HSPG2: variants seen among roughly 807,000 people sequenced by gnomAD.
The protein encoded by HSPG2 is basement membrane-specific heparan sulfate proteoglycan core protein.
In HSPG2, 278 loss-of-function variants were observed where a neutral mutation model predicts 526.6. The ratio of observed to expected loss-of-function variants is 0.53; its 90% confidence interval spans 0.48 to 0.58. HSPG2 has a LOEUF of 0.58. HSPG2 is among the 20% of genes least tolerant of loss of function. The pLI, the probability that HSPG2 is intolerant of heterozygous loss-of-function variation, is 0.00. For missense variants in HSPG2, 5,354 were observed against 6,099.5 expected, an observed-to-expected ratio of 0.88 and a Z score of 4.07; for synonymous variants, 2,465 against 2,555.4, an observed-to-expected ratio of 0.96 and a Z score of 1.07.
intron 50 of HSPG2, 114 bp downstream of exon 50, chr1:21,854,079 G>T: frequency 8.3e-7 from 1 of 1,201,122 alleles, no homozygotes; most frequent in South Asian, 1.6e-5. Flanking sequence ...GGCGCTGAAG[G>T]GTCAAAGCCT....
rs777701876 is a variant in HSPG2 at position 21,887,331 on chromosome 1, G to T, written c.962C>A (p.Pro321His). The T allele has an allele frequency of 6.2e-7, 1 of 1,614,014 alleles. No homozygotes were observed. The highest frequency in any genetic ancestry group is 1.3e-5 in the African/African-American group (1 of 75,032). ...EDGSDELDCG[P>H]PPPCEPNEFP... Reference sequence around the variant, plus strand: ...CTCGTTGGGCTCACAGGGTGGCGGGGGGCCTAGGAGACCGGGCAGGGGTCA... The same window carrying T: ...CTCGTTGGGCTCACAGGGTGGCGGGTGGCCTAGGAGACCGGGCAGGGGTCA... Residue 321 changes from proline to histidine, a missense_variant, in exon 9 of 97, where the codon CCC (proline) becomes CAC (histidine). Transcript: ENST00000374695. The surrounding 1 kb of genome is among the most constrained non-coding windows in gnomAD (Gnocchi z 5.0).
chr1:21,842,558 G>A (rs192439010), intron 67 of HSPG2, among the ~76,000 whole-genome samples, 178 bp from the exon 68 acceptor site: 51 of 152,314 alleles, frequency 3.3e-4, no homozygotes, highest in Non-Finnish European at 6.3e-4. Flanking sequence ...CTTTACAGTG[G>A]AGGAAACTGA....
Position 21,833,809 on chromosome 1 carries a change from C to T in HSPG2, c.10830+7G>A. 6.3e-7 allele frequency: 1 copy of T among 1,580,824 alleles called. No individual in the cohort carries two copies. The highest frequency in any genetic ancestry group is 8.6e-7 in the Non-Finnish European group (1 of 1,161,278). On this transcript the variant is annotated splice_region_variant and intron_variant, in intron 78 of 96. Coordinates refer to ENST00000374695, the MANE Select transcript of HSPG2 (RefSeq NM_005529.7). The stretch of plus-strand genomic sequence containing the variant: ...TCATGCCCGCTGGTTCCCTCTCCAG[C>T]ACTTACCTTGCTCCAGCTGATGTCA...
intron 1 of HSPG2, among the ~76,000 whole-genome samples, chr1:21,921,992 G>A (rs1644052112): frequency 6.6e-6 from 1 of 152,200 alleles, no homozygotes. Context: ...CCCATAGCGG[G>A]GGTGAGGTGG....
At chr1:21,845,607 T>G (rs1638367292) in intron 64 of HSPG2, among the ~76,000 whole-genome samples, 2 of 152,114 alleles carry the variant, frequency 1.3e-5, no homozygotes, top group Non-Finnish European at 2.9e-5. Flanking sequence ...CTCGAACTCA[T>G]GAGCTCAGGC....
chr1:21,840,033 G>A lies in HSPG2; in HGVS notation c.9514-16C>T, dbSNP rs760235657. 1.2e-6 allele frequency: 2 copies of A among 1,613,660 alleles called. No homozygotes were observed. The highest frequency in any genetic ancestry group is 1.3e-5 in the African/African-American group (1 of 74,940). On this transcript the variant is annotated splice_polypyrimidine_tract_variant and intron_variant, in intron 71 of 96. Transcript: ENST00000374695. ...CTGATGAAATCTGGGAGAAAGCAAG[G>A]AGGCTGGTTATGTGGGGACTCAGTG...
At position 21,885,111 on chromosome 1, in the gene HSPG2, G is replaced by A. The variant is rs1290870946; in HGVS notation, c.1257C>T (p.Ser419=). ...AGGTGAAGGTCACTGTCTGGCCCCG[G>A]GAAGCCTGGATGGACTCCCGGGGAG... ...VTPPRESIQA[S]RGQTVTFTCV... Residue 419 remains serine, a synonymous_variant, in exon 11 of 97, where the codon TCC becomes TCT. Coordinates refer to ENST00000374695, the MANE Select transcript of HSPG2 (RefSeq NM_005529.7). 3 of 1,612,944 alleles carry A rather than the reference G, an allele frequency of 1.9e-6. No homozygotes were observed. In the African/African-American group the frequency reaches 4.0e-5, roughly 22 times the overall value.
chr1:21,855,485 G>GCCC, intron 46 of HSPG2, 38 bp downstream of exon 46: 1 of 1,612,130 alleles, frequency 6.2e-7, no homozygotes, highest in South Asian at 1.1e-5. Context: ...CCTGGGCTGA[G>GCCC]CACACTCCCG....
intron 37 of HSPG2, among the ~76,000 whole-genome samples, chr1:21,862,583 C>CAA (rs1164705115): frequency 1.1e-4 from 1 of 9,252 alleles, no homozygotes; most frequent in Non-Finnish European, 4.5e-4. Context: ...GACTCCATCT[C>CAA]AAAAAAAAAA....
Position 21,881,475 on chromosome 1 carries a change from G to C in HSPG2, c.1682C>G (p.Pro561Arg), listed in dbSNP as rs374917998. The C allele has an allele frequency of 1.1e-5, 17 of 1,612,522 alleles. No individual in the cohort carries two copies. In the African/African-American group the frequency reaches 2.3e-4, roughly 22 times the overall value. ...CGTGGAGGAGAGGGGTGGCGTGCCG[G>C]GCTGCGCAGGCATTGTCACATTCAC... ...KGVNVTMPAQ[P>R]GTPPLSSTQL... is the part of the protein sequence containing the mutation. Residue 561 changes from proline to arginine, a missense_variant, in exon 14 of 97, where the codon CCC becomes CGC. Physicochemically the swap from Pro to Arg is moderately radical, Grantham distance 103. Coordinates refer to ENST00000374695, the MANE Select transcript of HSPG2 (RefSeq NM_005529.7).
intron 52 of HSPG2, 132 bp from the exon 53 acceptor site, chr1:21,852,365 G>C: frequency 8.7e-7 from 1 of 1,151,178 alleles, no homozygotes; most frequent in Non-Finnish European, 1.3e-6. Context: ...TGGGGGCCTG[G>C]ACTTGATGCC....
rs1228598353 is a variant in HSPG2, at chr1:21,876,320, G to A, written c.2912C>T (p.Pro971Leu). ...THTTNEGIFS[P>L]TPGELGFSSF... ...GGAGAATCCCAGTTCCCCGGGCGTG[G>A]GGGAGAAGATGCCCTCGTTGGTGGT... The change falls in exon 23 of 97, where the codon CCC (proline) becomes CTC (leucine). Residue 971 changes from proline to leucine, a missense_variant. By Grantham distance (98) the Pro-to-Leu change is moderately conservative. Transcript: ENST00000374695. The A allele has an allele frequency of 6.2e-7, 1 of 1,614,082 alleles. No homozygotes were observed. Among genetic ancestry groups the A allele is most frequent in the Non-Finnish European group, 8.5e-7 (1 of 1,180,026 alleles).
rs1212317103 is a variant in HSPG2 at position 21,872,532 on chromosome 1, A to G, written c.4029+88T>C. The G allele has an allele frequency of 3.3e-6, 5 of 1,495,958 alleles. No homozygotes were observed. Among genetic ancestry groups the G allele is most frequent in the Non-Finnish European group, 3.6e-6 (4 of 1,098,642 alleles). 92.7% of individuals were successfully genotyped at this position (1,495,958 alleles called of 1,614,324 possible). A position where few individuals can be genotyped will look rare whatever the true frequency, so the allele number is the denominator to read the frequency against. ...GGCATGTGAGGGTACTGAGGCGGGG[A>G]TGAGGGTCGCTGGGCTCAGTGCTCA... On this transcript the variant is annotated intron_variant, in intron 32 of 96. Coordinates refer to ENST00000374695, the MANE Select transcript of HSPG2 (RefSeq NM_005529.7). This position sits in a 1 kb window ranked among gnomAD's most constrained non-coding sequence, Gnocchi z 5.5.
Position 21,833,546 on chromosome 1 carries a change from G to A in HSPG2, c.10899C>T (p.Pro3633=). The change falls in exon 79 of 97, where the codon CCC becomes CCT. Residue 3633 remains proline (P), a synonymous_variant. Transcript: ENST00000374695. ...TGCAGACGTAGGTACCTGCGTCCTGGGGTCGGACTGAGGGCAGCATCAGCA... is the reference window on the plus strand; with the variant it reads ...TGCAGACGTAGGTACCTGCGTCCTGAGGTCGGACTGAGGGCAGCATCAGCA... ...NNMLMLPSVR[P]QDAGTYVCTA... is the part of the protein sequence containing the mutation. 3 of 1,614,198 alleles carry A rather than the reference G, an allele frequency of 1.9e-6. No homozygotes were observed. The highest frequency in any genetic ancestry group is 2.5e-6 in the Non-Finnish European group (3 of 1,180,026).
intron 75 of HSPG2, 111 bp from the exon 76 acceptor site, chr1:21,835,748 C>T (rs974174107): frequency 1.3e-6 from 1 of 750,870 alleles, no homozygotes; most frequent in African/African-American, 1.7e-5. Flanking sequence ...CTTTGGGAGG[C>T]TGAGGCAGGC....
chr1:21,907,847 CTACA>C (rs1305098847), intron 1 of HSPG2, among the ~76,000 whole-genome samples: 2 of 152,194 alleles, frequency 1.3e-5, no homozygotes, highest in African/African-American at 2.4e-5. Context: ...ATATTCTCAC[CTACA>C]TAAATATCTG....
rs754923775 is a variant in HSPG2, at chr1:21,858,601, C to T, written c.5293+965G>A. On this transcript the variant is annotated intron_variant, in intron 42 of 96. Coordinates refer to ENST00000374695, the MANE Select transcript of HSPG2 (RefSeq NM_005529.7). The surrounding 1 kb of genome is among the most constrained non-coding windows in gnomAD (Gnocchi z 4.2). ...TTCCCAAACATCTCAGACTCTAACA[C>T]GTCCAAAACAAACTTGCGATTCTCT... 1.3e-5 allele frequency among the ~76,000 whole-genome samples: 2 copies of T among 152,240 alleles called. No homozygotes were observed. Among genetic ancestry groups the T allele is most frequent in the African/African-American group, 2.4e-5 (1 of 41,468 alleles).
rs193111653 is a variant in HSPG2, at chr1:21,832,633, C to A, written c.11096-27G>T. 1.9e-4 allele frequency: 305 copies of A among 1,581,184 alleles called. No homozygotes were observed. In the African/African-American group the frequency reaches 3.8e-3, roughly 20 times the overall value. On this transcript the variant is annotated intron_variant, in intron 80 of 96. Coordinates refer to ENST00000374695, the MANE Select transcript of HSPG2 (RefSeq NM_005529.7). ...TGGGTGGGCACCACTGTGTAAGGGG[C>A]CCCCTTCCAGCCACAGGCTCCCTGT... is the stretch of plus-strand genomic sequence containing the variant.
rs1302268081 is a variant in HSPG2, at chr1:21,859,718, CTT to C, written c.5183-44_5183-43del. The stretch of plus-strand genomic sequence containing the variant: ...AAGAGCTTGTTGGTGCAGATACACT[CTT>C]TCTCACATCCAGCCCCATGCACAAG... On this transcript the variant is annotated intron_variant, in intron 41 of 96. Transcript: ENST00000374695. The surrounding 1 kb of genome is among the most constrained non-coding windows in gnomAD (Gnocchi z 5.3). 6.3e-7 allele frequency: 1 copy of C among 1,584,488 alleles called. No homozygotes were observed. The highest frequency in any genetic ancestry group is 1.8e-5 in the Admixed American group (1 of 55,280).
Sources: gnomAD v4.1 joint callset for allele counts (sites outside exome capture counted in the v4.1 genomes callset) on GRCh38, gnomAD v4.1.1 for gene constraint, Gnocchi (gnomAD v3.1) non-coding constraint, MANE v1.5 for transcripts, NCBI Gene and HGNC (gene_info 2026-07-23, HGNC 2026-07-21) for gene names.